Variants in ALDH1A2 observed in about 807,000 individuals in gnomAD.
ALDH1A2 encodes retinal dehydrogenase 2.
Under a neutral mutation model 60.3 loss-of-function variants are expected in ALDH1A2, and 27 were observed. The observed-to-expected ratio is 0.45, with a 90% CI of 0.33 to 0.62. The LOEUF is 0.62. ALDH1A2 is among the 20% of genes least tolerant of loss of function. The pLI, the probability that ALDH1A2 is intolerant of heterozygous loss-of-function variation, is 0.02. For missense variants in ALDH1A2, 581 were observed against 643.8 expected, an observed-to-expected ratio of 0.90 and a Z score of 1.06; for synonymous variants, 289 against 232.4, an observed-to-expected ratio of 1.24 and a Z score of -2.21.
intron 1 of ALDH1A2, among the ~76,000 whole-genome samples, chr15:58,045,804 C>T (rs899064974): frequency 2.6e-5 from 4 of 151,876 alleles, no homozygotes; most frequent in African/African-American, 9.7e-5. Context: ...ATGTTCTGCA[C>T]GTGTACCCTA....
At chr15:58,046,928 T>C (rs1172735007) in intron 1 of ALDH1A2, among the ~76,000 whole-genome samples, 2 of 152,062 alleles carry the variant, frequency 1.3e-5, no homozygotes, top group Non-Finnish European at 2.9e-5. Context: ...AGTTGCTGTA[T>C]ACATCTCAAC....
intron 4 of ALDH1A2, among the ~76,000 whole-genome samples, chr15:58,008,221 A>G (rs117925230): frequency 0.018 from 2,732 of 152,190 alleles, 47 homozygotes; most frequent in Middle Eastern, 0.054. Flanking sequence ...GTATGACTCT[A>G]AATGCACTTT....
intron 5 of ALDH1A2, among the ~76,000 whole-genome samples, chr15:57,993,335 G>A (rs1894956271): frequency 6.6e-6 from 1 of 152,002 alleles, no homozygotes; most frequent in African/African-American, 2.4e-5. Flanking sequence ...AGGGAGTTTT[G>A]TTACTTCTTT....
chr15:57,995,236 A>C (rs890415711), intron 4 of ALDH1A2, 97 bp from the exon 5 acceptor site: 41 of 647,228 alleles, frequency 6.3e-5, no homozygotes, highest in Non-Finnish European at 8.2e-5. Flanking sequence ...AAAAAAAAAA[A>C]CAAACAGAAA....
At chr15:57,962,578 C>G (rs186530723) in intron 9 of ALDH1A2, among the ~76,000 whole-genome samples, 3 of 151,912 alleles carry the variant, frequency 2.0e-5, no homozygotes, top group African/African-American at 7.2e-5. Context: ...AGCACACAGC[C>G]TTTTTAGATA....
chr15:58,028,829 C>A (rs1265619243), intron 1 of ALDH1A2, among the ~76,000 whole-genome samples: 6 of 152,154 alleles, frequency 3.9e-5, no homozygotes, highest in Non-Finnish European at 7.3e-5. Flanking sequence ...GTATAGGGAT[C>A]AATTCAACAA....
chr15:58,030,676 C>T (rs1277189016), intron 1 of ALDH1A2, among the ~76,000 whole-genome samples: 2 of 151,932 alleles, frequency 1.3e-5, no homozygotes, highest in African/African-American at 4.8e-5. Flanking sequence ...TAATAGGCAA[C>T]TTCAGCATAG....
Position 57,955,117 on chromosome 15 carries a change from A to G in ALDH1A2, c.*80T>C, listed in dbSNP as rs921355361. ...AGTAAGGACCGTGGCTCAACTTTGTATTCCTGAGAGCTGGGCCCTACAGAG... is the reference window on the plus strand; with the variant it reads ...AGTAAGGACCGTGGCTCAACTTTGTGTTCCTGAGAGCTGGGCCCTACAGAG... On this transcript the variant is annotated 3_prime_UTR_variant, in exon 13 of 13. Coordinates refer to ENST00000249750, the MANE Select transcript of ALDH1A2 (RefSeq NM_003888.4). 1.1e-4 allele frequency: 154 copies of G among 1,420,748 alleles called. No individual in the cohort carries two copies. In the African/African-American group the frequency reaches 1.9e-3, roughly 18 times the overall value. 88.0% of individuals were successfully genotyped at this position (1,420,748 alleles called of 1,614,324 possible).
chr15:57,976,615 T>A (rs1051021524), intron 7 of ALDH1A2, among the ~76,000 whole-genome samples: 3 of 152,226 alleles, frequency 2.0e-5, no homozygotes, highest in African/African-American at 7.2e-5. Context: ...TATGGCTGCA[T>A]GGTATTCCAT....
At chr15:58,014,066 T>C (rs1008245978) in intron 2 of ALDH1A2, 68 bp from the exon 3 acceptor site, 5 of 1,613,812 alleles carry the variant, frequency 3.1e-6, no homozygotes, top group African/African-American at 1.3e-5. Flanking sequence ...TCCACTGTCA[T>C]GAAAAAAGTG....
intron 7 of ALDH1A2, among the ~76,000 whole-genome samples, chr15:57,973,512 C>G (rs1184987831): frequency 2.6e-5 from 4 of 152,152 alleles, no homozygotes; most frequent in African/African-American, 2.4e-5. Flanking sequence ...CTGGAAGAAT[C>G]TATACAACTT....
intron 1 of ALDH1A2, among the ~76,000 whole-genome samples, chr15:58,050,494 A>G (rs1025573998): frequency 6.6e-6 from 1 of 152,162 alleles, no homozygotes; most frequent in Non-Finnish European, 1.5e-5. Flanking sequence ...TTAATCTTCA[A>G]ATTTCACTAA....
intron 1 of ALDH1A2, among the ~76,000 whole-genome samples, chr15:58,054,863 A>C (rs1896857514): frequency 6.6e-6 from 1 of 152,168 alleles, no homozygotes; most frequent in Admixed American, 6.5e-5. Context: ...AAAAAATCAC[A>C]TATTCCCAGG....
chr15:58,022,940 A>G (rs966720954), intron 1 of ALDH1A2, among the ~76,000 whole-genome samples: 5 of 152,234 alleles, frequency 3.3e-5, no homozygotes, highest in African/African-American at 4.8e-5. Context: ...TAAGGACAAC[A>G]TGAAAAAGCG....
chr15:57,960,070 T>C (rs1405192696), intron 12 of ALDH1A2, among the ~76,000 whole-genome samples: 1 of 152,194 alleles, frequency 6.6e-6, no homozygotes, highest in Non-Finnish European at 1.5e-5. Context: ...GTTTCCCAGA[T>C]TTTTCCAGTT....
At position 57,965,812 on chromosome 15, in the gene ALDH1A2, G is replaced by A. The variant is rs1297784721; in HGVS notation, c.814C>T (p.Gln272Ter). The change falls in exon 8 of 13, where the codon CAA (glutamine) becomes TAA (stop). Residue 272 changes from glutamine (Q) to a stop codon, truncating the protein, a stop_gained. Coordinates refer to ENST00000249750, the MANE Select transcript of ALDH1A2 (RefSeq NM_003888.4). LOFTEE classifies it high-confidence loss of function. ...AAATTACTTCTTCCAGCTGCTTCTTGGATAAGCTTTCCAACCTGAAAGAAG... is the reference window on the plus strand; with the variant it reads ...AAATTACTTCTTCCAGCTGCTTCTTAGATAAGCTTTCCAACCTGAAAGAAG... Reference protein sequence around the residue: ...TGSTEVGKLIQEAAGRSNLKR... With the variant: ...TGSTEVGKLI 1.2e-6 allele frequency: 2 copies of A among 1,614,054 alleles called. No individual in the cohort carries two copies. The highest frequency in any genetic ancestry group is 4.5e-5 in the East Asian group (2 of 44,882).
chr15:58,059,930 T>C (rs1453436376), intron 1 of ALDH1A2, among the ~76,000 whole-genome samples: 3 of 152,138 alleles, frequency 2.0e-5, no homozygotes, highest in Non-Finnish European at 4.4e-5. Context: ...GTTGATCATA[T>C]AATTTTTTTG....
intron 1 of ALDH1A2, among the ~76,000 whole-genome samples, chr15:58,027,168 G>A (rs1321876083): frequency 6.6e-6 from 1 of 152,204 alleles, no homozygotes; most frequent in Non-Finnish European, 1.5e-5. Context: ...CCTCTGAGAT[G>A]AAGCTTCCAG....
intron 1 of ALDH1A2, chr15:58,065,126 G>A: frequency 7.0e-6 from 2 of 287,280 alleles, no homozygotes; most frequent in Non-Finnish European, 1.4e-5. Flanking sequence ...GGGCCCGGAA[G>A]GCGGAGGACC....
Sources: gnomAD v4.1 joint callset for allele counts (sites outside exome capture counted in the v4.1 genomes callset) on GRCh38, gnomAD v4.1.1 for gene constraint, MANE v1.5 for transcripts, NCBI Gene and HGNC (gene_info 2026-07-23, HGNC 2026-07-21) for gene names.